Variants in LYN observed in about 807,000 individuals in gnomAD.
LYN encodes the protein LYN proto-oncogene, Src family tyrosine kinase.
In LYN, 12 loss-of-function variants were observed where a neutral mutation model predicts 65.0. That is an observed-to-expected ratio of 0.18 (90% CI 0.12 to 0.30). The LOEUF is 0.30. LYN is among the 10% of genes least tolerant of loss of function. The pLI is 1.00. For synonymous variants in LYN, 222 were observed against 221.2 expected (o/e 1.00, Z -0.03); for missense variants, 380 against 623.2 (o/e 0.61, Z 4.16).
rs74868909 is a variant in LYN at position 56,003,416 on chromosome 8, C to T, written c.1336+3867C>T. ...GCTATACAGGCCAGGTGTGGTGGCT[C>T]ATGCCTGTAATCCCAACTTGGGTGG... On this transcript the variant is annotated intron_variant, in intron 12 of 12. Transcript: ENST00000519728. Among the ~76,000 whole-genome samples, 610 of 152,136 alleles carry T rather than the reference C, an allele frequency of 4.0e-3. 12 individuals are homozygous for T. In the East Asian group the frequency reaches 0.082, roughly 21 times the overall value.
chr8:55,886,663 C>T (rs1343255735), intron 1 of LYN, among the ~76,000 whole-genome samples: 1 of 152,174 alleles, frequency 6.6e-6, no homozygotes, highest in South Asian at 2.1e-4. Flanking sequence ...TGGAACAGCC[C>T]CTCCCCTTAA....
At chr8:55,934,555 G>A (rs1432202337) in intron 1 of LYN, among the ~76,000 whole-genome samples, 4 of 152,226 alleles carry the variant, frequency 2.6e-5, no homozygotes, top group Non-Finnish European at 5.9e-5. Context: ...ATGCAACTGG[G>A]AAACTTGTGG....
chr8:55,976,938 A>C (rs1323814156), intron 10 of LYN, among the ~76,000 whole-genome samples: 2 of 152,234 alleles, frequency 1.3e-5, no homozygotes, highest in Admixed American at 1.3e-4. Context: ...TAATCCCAGC[A>C]CTTTGGGAGG....
intron 8 of LYN, among the ~76,000 whole-genome samples, chr8:55,966,146 G>A (rs1807450426): frequency 6.6e-6 from 1 of 151,938 alleles, no homozygotes; most frequent in Non-Finnish European, 1.5e-5. Context: ...ATAAATATTA[G>A]CCCTCATGGT....
rs1194143043 is a variant in LYN at position 56,012,126 on chromosome 8, C to CA, written c.*2017dup. ...GATCCTTACCTCCATGTGGGCCCTTCACCAGCTTGGGCCTCATCTCTGGTG... is the reference window on the plus strand; with the variant it reads ...GATCCTTACCTCCATGTGGGCCCTTCAACCAGCTTGGGCCTCATCTCTGGTG... On this transcript the variant is annotated 3_prime_UTR_variant, in exon 13 of 13. Transcript: ENST00000519728. 7 of 191,270 alleles carry CA rather than the reference C, an allele frequency of 3.7e-5. No homozygotes were observed. The highest frequency in any genetic ancestry group is 6.6e-5 in the Non-Finnish European group (6 of 91,376). The allele number at this position is 191,270 out of a possible 1,614,324, so 11.8% of individuals were successfully genotyped here.
At chr8:55,887,604 A>AC (rs59739013) in intron 1 of LYN, among the ~76,000 whole-genome samples, 1 of 96,790 alleles carries the variant, frequency 1.0e-5, no homozygotes, top group African/African-American at 4.4e-5. Flanking sequence ...ACACACACAC[A>AC]TATATATATA....
At chr8:55,974,081 GT>G (rs1465682688) in intron 10 of LYN, among the ~76,000 whole-genome samples, 1 of 152,152 alleles carries the variant, frequency 6.6e-6, no homozygotes, top group Non-Finnish European at 1.5e-5. Context: ...TTGTTGTTTA[GT>G]ACCTCTTACA....
chr8:55,938,919 T>C (rs1806518675), intron 1 of LYN, among the ~76,000 whole-genome samples: 1 of 152,154 alleles, frequency 6.6e-6, no homozygotes, highest in Admixed American at 6.5e-5. Flanking sequence ...TGAGCCTCAG[T>C]TTTCTCCTCT....
chr8:55,887,575 T>TACACACACACACACACACACACACAC (rs372547745), intron 1 of LYN, among the ~76,000 whole-genome samples: 1,122 of 92,608 alleles, frequency 0.012, 18 homozygotes, highest in East Asian at 0.018. Context: ...TATATATATA[T>TACACACACACACACACACACACACAC]ACACACACAC....
At chr8:55,901,103 A>G (rs1805248118) in intron 1 of LYN, among the ~76,000 whole-genome samples, 1 of 152,200 alleles carries the variant, frequency 6.6e-6, no homozygotes, top group South Asian at 2.1e-4. Flanking sequence ...GCTTTTGCTC[A>G]GCACTTGGGC....
In LYN at chr8:55,999,376, A is replaced by T. The variant is rs1450523209; in HGVS notation, c.1205-42A>T. ...CACATGTTCATGACTTTTTTGTTTA[A>T]GTTTAAATACCCAAGTAAGAACCAC... On this transcript the variant is annotated intron_variant, in intron 11 of 12. Transcript: ENST00000519728. 4.4e-6 allele frequency: 7 copies of T among 1,580,416 alleles called. No homozygotes were observed. The Admixed American group carries it at 7.4e-5, about 17-fold the overall frequency.
intron 10 of LYN, chr8:55,980,183 G>A (rs1311226962): frequency 2.6e-5 from 4 of 152,354 alleles, no homozygotes; most frequent in African/African-American, 7.2e-5. Flanking sequence ...CCCTCCTCCA[G>A]GTCACCATTG....
chr8:55,985,426 T>C (rs1331217640), intron 10 of LYN, among the ~76,000 whole-genome samples: 1 of 151,954 alleles, frequency 6.6e-6, no homozygotes, highest in Admixed American at 6.6e-5. Flanking sequence ...TTCAAAGGGG[T>C]TGAAATATAA....
chr8:55,940,007 C>G (rs2130470216), intron 1 of LYN, among the ~76,000 whole-genome samples: 1 of 152,336 alleles, frequency 6.6e-6, no homozygotes, highest in Non-Finnish European at 1.5e-5. Flanking sequence ...AAATGATAAA[C>G]AAGTTGAAGT....
At chr8:55,906,327 GTTTTT>G (rs869294462) in intron 1 of LYN, among the ~76,000 whole-genome samples, 1 of 146,206 alleles carries the variant, frequency 6.8e-6, no homozygotes, top group African/African-American at 2.6e-5. Context: ...CCAAGAATTC[GTTTTT>G]TTTGTTTTGT....
chr8:55,986,641 A>G (rs1366432838), intron 10 of LYN, among the ~76,000 whole-genome samples: 1 of 152,220 alleles, frequency 6.6e-6, no homozygotes, highest in Non-Finnish European at 1.5e-5. Flanking sequence ...CACCAGCCCT[A>G]AGCTTGGATA....
chr8:55,960,683 A>G (rs899516586), intron 8 of LYN, among the ~76,000 whole-genome samples: 2 of 152,220 alleles, frequency 1.3e-5, no homozygotes, highest in Non-Finnish European at 2.9e-5. Flanking sequence ...TTTCTCATTG[A>G]TAGAAAAAAT....
chr8:55,928,068 A>C (rs766966965), intron 1 of LYN, among the ~76,000 whole-genome samples: 7 of 152,242 alleles, frequency 4.6e-5, no homozygotes, highest in Non-Finnish European at 7.4e-5. Context: ...CCTCTTTGCC[A>C]GCATTTGGTG....
intron 8 of LYN, among the ~76,000 whole-genome samples, chr8:55,964,419 A>G (rs1563316399): frequency 6.6e-6 from 1 of 152,206 alleles, no homozygotes; most frequent in African/African-American, 2.4e-5. Flanking sequence ...ACAAAATAAA[A>G]CATTTTAATA....
Sources: gnomAD v4.1 joint callset for allele counts (sites outside exome capture counted in the v4.1 genomes callset) on GRCh38, gnomAD v4.1.1 for gene constraint, MANE v1.5 for transcripts, NCBI Gene and HGNC (gene_info 2026-07-23, HGNC 2026-07-21) for gene names.